IMMP2L: variants seen among roughly 807,000 people sequenced by gnomAD.
The protein encoded by IMMP2L is inner mitochondrial membrane peptidase subunit 2, also known as mitochondrial inner membrane protease subunit 2.
Under a neutral mutation model 19.3 loss-of-function variants are expected in IMMP2L, and 18 were observed. The ratio of observed to expected loss-of-function variants is 0.93; its 90% CI spans 0.64 to 1.38. The LOEUF (loss-of-function observed/expected upper bound fraction) is 1.38, where lower values mean the gene tolerates loss of function less well. IMMP2L is among the 40% of genes most tolerant of loss of function. IMMP2L has a pLI of 0.00. For missense variants in IMMP2L, 233 were observed against 218.2 expected (o/e 1.07, Z -0.43); for synonymous variants, 76 against 73.0 (o/e 1.04, Z -0.21).
chr7:110,832,600 G>A (rs574647322), intron 5 of IMMP2L, among the ~76,000 whole-genome samples: 20 of 152,110 alleles, frequency 1.3e-4, no homozygotes, highest in South Asian at 2.1e-4. Context: ...CCCAAGTCTC[G>A]AGCTATGTAC....
intron 3 of IMMP2L, among the ~76,000 whole-genome samples, chr7:111,373,232 G>A (rs1337488646): frequency 6.6e-6 from 1 of 151,806 alleles, no homozygotes; most frequent in Non-Finnish European, 1.5e-5. Context: ...AAAAAAATAA[G>A]TTTTCTATGA....
chr7:110,916,110 C>CA lies in IMMP2L; in HGVS notation c.306-29416dup, dbSNP rs1338181567. Among the ~76,000 whole-genome samples the CA allele has an allele frequency of 7.9e-5, 12 of 152,112 alleles. No individual in the cohort carries two copies. In the South Asian group the frequency reaches 1.0e-3, roughly 13 times the overall value. On this transcript the variant is annotated intron_variant, in intron 4 of 5. Transcript: ENST00000405709. ...GTAGAGTTTTTGGGCTAATCAATTA[C>CA]AAAAAATAAAAAGAATTAAAAGAAT...
intron 3 of IMMP2L, among the ~76,000 whole-genome samples, chr7:111,105,577 G>T (rs1453537941): frequency 6.6e-6 from 1 of 151,788 alleles, no homozygotes; most frequent in African/African-American, 2.4e-5. Context: ...AGCTGGCTGG[G>T]GGGAAAACAC....
At chr7:111,481,265 C>T (rs996402520) in intron 3 of IMMP2L, among the ~76,000 whole-genome samples, 1 of 152,098 alleles carries the variant, frequency 6.6e-6, no homozygotes, top group Admixed American at 6.6e-5. Flanking sequence ...TGTAGACATA[C>T]CAGGGCCAGA....
intron 3 of IMMP2L, among the ~76,000 whole-genome samples, chr7:110,980,321 G>A (rs1359821246): frequency 4.2e-5 from 6 of 143,894 alleles, no homozygotes; most frequent in East Asian, 2.0e-4. Context: ...TCCGCCTCCC[G>A]GGTTCACGCC....
intron 2 of IMMP2L, among the ~76,000 whole-genome samples, chr7:111,497,079 C>T (rs1432741316): frequency 6.6e-6 from 1 of 152,088 alleles, no homozygotes; most frequent in African/African-American, 2.4e-5. Context: ...TTCAGAATTA[C>T]ACTAGGTTGT....
At chr7:111,393,704 A>T (rs1832607784) in intron 3 of IMMP2L, among the ~76,000 whole-genome samples, 1 of 152,152 alleles carries the variant, frequency 6.6e-6, no homozygotes, top group Non-Finnish European at 1.5e-5. Context: ...TCCTACCACC[A>T]TCCCTCACGC....
intron 3 of IMMP2L, among the ~76,000 whole-genome samples, chr7:111,461,381 A>T (rs1840121706): frequency 6.6e-6 from 1 of 152,036 alleles, no homozygotes; most frequent in Non-Finnish European, 1.5e-5. Flanking sequence ...AGCAAAAAAA[A>T]TCATCCTGAA....
intron 5 of IMMP2L, among the ~76,000 whole-genome samples, chr7:110,810,672 G>A (rs1270949162): frequency 6.6e-6 from 1 of 151,982 alleles, no homozygotes; most frequent in Non-Finnish European, 1.5e-5. Flanking sequence ...GCATAAATGG[G>A]ATTAATGAGC....
At chr7:110,821,260 T>C (rs1803002243) in intron 5 of IMMP2L, among the ~76,000 whole-genome samples, 2 of 152,254 alleles carry the variant, frequency 1.3e-5, no homozygotes, top group South Asian at 2.1e-4. Context: ...TATTAGAATC[T>C]AGGCAGTTTG....
chr7:111,521,529 G>T, intron 1 of IMMP2L, 80 bp from the exon 2 acceptor site: 1 of 1,315,660 alleles, frequency 7.6e-7, no homozygotes, highest in Middle Eastern at 1.9e-4. Context: ...TACATGAAAA[G>T]TAAGAGTTAC....
intron 4 of IMMP2L, among the ~76,000 whole-genome samples, chr7:110,928,299 C>T (rs77615471): frequency 6.8e-6 from 1 of 146,132 alleles, no homozygotes; most frequent in Non-Finnish European, 1.5e-5. Context: ...ATTTATTATC[C>T]AAAATATAAT....
chr7:111,498,055 G>A (rs1432141529), intron 2 of IMMP2L, among the ~76,000 whole-genome samples: 1 of 151,854 alleles, frequency 6.6e-6, no homozygotes, highest in Non-Finnish European at 1.5e-5. Context: ...GAAGGGGAAA[G>A]CATCTGATTT....
At chr7:111,422,336 G>A (rs74335846) in intron 3 of IMMP2L, among the ~76,000 whole-genome samples, 1 of 151,774 alleles carries the variant, frequency 6.6e-6, no homozygotes, top group Non-Finnish European at 1.5e-5. Context: ...TCATGATATT[G>A]ATTCTTCCTA....
intron 3 of IMMP2L, among the ~76,000 whole-genome samples, chr7:111,324,647 T>C (rs1825116778): frequency 6.6e-6 from 1 of 151,828 alleles, no homozygotes; most frequent in Non-Finnish European, 1.5e-5. Context: ...AAGTGTAATA[T>C]ATTCAAATGA....
intron 1 of IMMP2L, among the ~76,000 whole-genome samples, chr7:111,530,515 A>G (rs942820768): frequency 1.3e-5 from 2 of 152,188 alleles, no homozygotes; most frequent in Admixed American, 1.3e-4. Flanking sequence ...CCAGTTAACA[A>G]GAATGTATTC....
chr7:111,547,505 A>ACC (rs36099268), intron 1 of IMMP2L, among the ~76,000 whole-genome samples: 2 of 135,822 alleles, frequency 1.5e-5, no homozygotes, highest in African/African-American at 5.6e-5. Context: ...AAACTGTCAT[A>ACC]CCCCCCCCCC....
At chr7:111,398,975 C>G (rs1833160122) in intron 3 of IMMP2L, among the ~76,000 whole-genome samples, 1 of 151,458 alleles carries the variant, frequency 6.6e-6, no homozygotes, top group Non-Finnish European at 1.5e-5. Context: ...AAAGAAATCA[C>G]AGATGACACA....
chr7:111,323,770 A>G (rs1199435559), intron 3 of IMMP2L, among the ~76,000 whole-genome samples: 9 of 152,170 alleles, frequency 5.9e-5, no homozygotes, highest in Non-Finnish European at 1.2e-4. Context: ...GACTGGATAA[A>G]GAAAATGTGG....
Sources: gnomAD v4.1 joint callset for allele counts (sites outside exome capture counted in the v4.1 genomes callset) on GRCh38, gnomAD v4.1.1 for gene constraint, MANE v1.5 for transcripts, NCBI Gene and HGNC (gene_info 2026-07-23, HGNC 2026-07-21) for gene names.